The following KIFC3 variants were observed in gnomAD, a reference collection of about 807,000 sequenced individuals.
KIFC3 encodes the protein kinesin family member C3.
A neutral mutation model predicts 101.8 loss-of-function variants in KIFC3; 60 were observed. The observed-to-expected ratio is 0.59, with a 90% CI of 0.48 to 0.73. KIFC3 has a LOEUF of 0.73. Among genes scored for constraint, KIFC3 ranks in the 30% least tolerant of loss-of-function variants. KIFC3 has a pLI of 0.00. For missense variants in KIFC3, 966 were observed against 1,137.1 expected, an observed-to-expected ratio of 0.85 and a Z score of 2.16; for synonymous variants, 476 against 482.7, an observed-to-expected ratio of 0.99 and a Z score of 0.18.
At chr16:57,816,245 G>A (rs1412693259) in intron 1 of KIFC3, 1 of 1,289,276 alleles carries the variant, frequency 7.8e-7, no homozygotes, top group Non-Finnish European at 1.0e-6. Flanking sequence ...CCCGGAAAGT[G>A]TCAACCCAAA....
intron 1 of KIFC3, among the ~76,000 whole-genome samples, chr16:57,849,629 G>T (rs1421839283): frequency 1.3e-5 from 2 of 152,104 alleles, no homozygotes; most frequent in Non-Finnish European, 2.9e-5. Context: ...GGGGCCAGGT[G>T]TGGTGGCTGA....
At chr16:57,824,093 C>T (rs1435135146) in intron 1 of KIFC3, among the ~76,000 whole-genome samples, 2 of 152,196 alleles carry the variant, frequency 1.3e-5, no homozygotes, top group Admixed American at 1.3e-4. Context: ...ATCAACCGTC[C>T]AGGTTTGCCT....
intron 1 of KIFC3, chr16:57,815,540 T>C: frequency 7.8e-7 from 1 of 1,287,442 alleles, no homozygotes; most frequent in Non-Finnish European, 1.0e-6. Context: ...TCTACCAGGA[T>C]GCCCTCCAAG....
At chr16:57,804,773 G>A (rs148563584), upstream of KIFC3, among the ~76,000 whole-genome samples, 830 of 150,730 alleles carry the variant, frequency 5.5e-3, 10 homozygotes, top group South Asian at 0.035. Context: ...TTTTTTTTAA[G>A]TAGAGATGGG....
chr16:57,790,134 C>T (rs1423238787), intron 3 of KIFC3, among the ~76,000 whole-genome samples: 1 of 140,462 alleles, frequency 7.1e-6, no homozygotes, highest in East Asian at 2.1e-4. Flanking sequence ...GGCTGGAGGG[C>T]AATAGCACAA....
chr16:57,794,300 A>G (rs1598128025), intron 3 of KIFC3, among the ~76,000 whole-genome samples: 2 of 149,498 alleles, frequency 1.3e-5, no homozygotes, highest in African/African-American at 2.5e-5. Flanking sequence ...TGGTGCAATC[A>G]CTGCAGCCTC....
intron 1 of KIFC3, among the ~76,000 whole-genome samples, chr16:57,845,873 CT>C (rs1215814617): frequency 1.3e-5 from 2 of 152,190 alleles, no homozygotes; most frequent in African/African-American, 4.8e-5. Flanking sequence ...AGGTGAAGAT[CT>C]TTTTCTACAT....
chr16:57,803,076 C>T, upstream of KIFC3: 1 of 1,524,654 alleles, frequency 6.6e-7, no homozygotes, highest in Non-Finnish European at 8.8e-7. Context: ...CTGGCCAGGC[C>T]GCCTTCTAGC....
chr16:57,799,840 G>T (rs2911354), intron 1 of KIFC3, among the ~76,000 whole-genome samples: 137,560 of 152,148 alleles, frequency 0.9, 62,820 homozygotes, highest in Middle Eastern at 0.97. Flanking sequence ...GGAGAGGTTG[G>T]TCAGTGCCCA....
At position 57,771,087 on chromosome 16, in the gene KIFC3, C is replaced by T. The variant is rs549310957; in HGVS notation, c.765+111G>A. ...AAGCACAGAACTGGAATGATTCTTC[C>T]ACCCACACACACCTACCTATTCACC... is the stretch of plus-strand genomic sequence containing the variant. On this transcript the variant is annotated intron_variant, in intron 6 of 19. Coordinates refer to ENST00000445690, the MANE Select transcript of KIFC3 (RefSeq NM_001130100.2). 4 of 1,344,500 alleles carry T rather than the reference C, an allele frequency of 3.0e-6. No individual in the cohort carries two copies. In the Admixed American group the frequency reaches 7.6e-5, roughly 26 times the overall value. The allele number at this position is 1,344,500 out of a possible 1,614,324, so 83.3% of individuals were successfully genotyped here.
At chr16:57,831,259 C>A (rs1400716311) in intron 1 of KIFC3, among the ~76,000 whole-genome samples, 1 of 152,222 alleles carries the variant, frequency 6.6e-6, no homozygotes, top group African/African-American at 2.4e-5. Flanking sequence ...ACCCTGCTAA[C>A]CCCACGGGGG....
intron 5 of KIFC3, 36 bp from the exon 6 acceptor site, chr16:57,771,473 G>A: frequency 6.2e-7 from 1 of 1,612,012 alleles, no homozygotes; most frequent in Non-Finnish European, 8.5e-7. Context: ...GAGTGCAAGG[G>A]ACAGGCTCAC....
Position 57,758,416 on chromosome 16 carries a change from C to A in KIFC3, c.*518G>T. 1 of 363,668 alleles carries A rather than the reference C, an allele frequency of 2.7e-6. No individual in the cohort carries two copies. 22.5% of individuals were successfully genotyped at this position (363,668 alleles called of 1,614,324 possible). On this transcript the variant is annotated 3_prime_UTR_variant, in exon 20 of 20. Transcript: ENST00000445690. Reference sequence around the variant, plus strand: ...CCCGTGGCGGGAGGCCATGCGCCTCCGCACACCCCCCAGCTGCGGGAACCC... The same window carrying A: ...CCCGTGGCGGGAGGCCATGCGCCTCAGCACACCCCCCAGCTGCGGGAACCC...
chr16:57,772,215 G>A lies in KIFC3; in HGVS notation c.381+8C>T, dbSNP rs782593651. ...CTGCGCTACCCCAGGACAGCCTTGT[G>A]GCCTCACCAGCTCAGATCGCAGTCG... On this transcript the variant is annotated splice_region_variant and intron_variant, in intron 4 of 19. Transcript: ENST00000445690. 1.2e-5 allele frequency: 20 copies of A among 1,612,626 alleles called. No homozygotes were observed. Among genetic ancestry groups the A allele is most frequent in the Non-Finnish European group, 1.7e-6 (2 of 1,179,468 alleles).
rs1335230918 is a variant in KIFC3, at chr16:57,758,390, C to T, written c.*544G>A. 2 of 350,304 alleles carry T rather than the reference C, an allele frequency of 5.7e-6. No individual in the cohort carries two copies. Among genetic ancestry groups the T allele is most frequent in the African/African-American group, 2.1e-5 (1 of 46,606 alleles). 21.7% of individuals were successfully genotyped at this position (350,304 alleles called of 1,614,324 possible). A position where few individuals can be genotyped will look rare whatever the true frequency, so the allele number is the denominator to read the frequency against. On this transcript the variant is annotated 3_prime_UTR_variant, in exon 20 of 20. Transcript: ENST00000445690. Reference sequence around the variant, plus strand: ...TCTGCCAGCCATAAACACAGCACGGCCCCGTGGCGGGAGGCCATGCGCCTC... The same window carrying T: ...TCTGCCAGCCATAAACACAGCACGGTCCCGTGGCGGGAGGCCATGCGCCTC...
At chr16:57,799,188 G>A (rs1421259708) in intron 1 of KIFC3, among the ~76,000 whole-genome samples, 1 of 152,214 alleles carries the variant, frequency 6.6e-6, no homozygotes, top group Non-Finnish European at 1.5e-5. Flanking sequence ...CAGAGCTCAG[G>A]TATTCCCTGC....
At chr16:57,837,809 G>A (rs149372927) in intron 1 of KIFC3, among the ~76,000 whole-genome samples, 1 of 152,250 alleles carries the variant, frequency 6.6e-6, no homozygotes, top group African/African-American at 2.4e-5. Context: ...AACCCCGTCT[G>A]AGAACATCCA....
At chr16:57,831,275 C>A (rs1261222265) in intron 1 of KIFC3, among the ~76,000 whole-genome samples, 1 of 152,236 alleles carries the variant, frequency 6.6e-6, no homozygotes, top group African/African-American at 2.4e-5. Flanking sequence ...GGGGGGTTCT[C>A]ACAGCCAAAA....
At chr16:57,773,041 C>A (rs951291348) in intron 3 of KIFC3, among the ~76,000 whole-genome samples, 7 of 152,182 alleles carry the variant, frequency 4.6e-5, no homozygotes, top group Non-Finnish European at 1.0e-4. Flanking sequence ...GCCACCCATC[C>A]CCTCCCAAGG....
Sources: gnomAD v4.1 joint callset for allele counts (sites outside exome capture counted in the v4.1 genomes callset) on GRCh38, gnomAD v4.1.1 for gene constraint, MANE v1.5 for transcripts, NCBI Gene and HGNC (gene_info 2026-07-23, HGNC 2026-07-21) for gene names.